The following TLE1 variants were observed in gnomAD, a reference collection of about 807,000 sequenced individuals.
The protein encoded by TLE1 is transducin-like enhancer protein 1.
A neutral mutation model predicts 89.8 loss-of-function variants in TLE1; 21 were observed. The ratio of observed to expected loss-of-function variants is 0.23; its 90% CI spans 0.17 to 0.34. TLE1 has a LOEUF of 0.34. TLE1 is among the 10% of genes least tolerant of loss of function. The pLI, the probability that TLE1 is intolerant of heterozygous loss-of-function variation, is 1.00. For missense variants in TLE1, 795 were observed against 1,031.2 expected (o/e 0.77, Z 3.14); for synonymous variants, 447 against 407.6 (o/e 1.10, Z -1.16).
intron 8 of TLE1, among the ~76,000 whole-genome samples, chr9:81,632,474 CCTTTTTTT>C (rs1826785305): frequency 2.7e-5 from 2 of 73,390 alleles, no homozygotes. Flanking sequence ...GTTCAGTATC[CCTTTTTTT>C]TTTTTTTTTT....
chr9:81,611,382 A>G (rs1823687281), intron 13 of TLE1, among the ~76,000 whole-genome samples: 1 of 152,220 alleles, frequency 6.6e-6, no homozygotes, highest in Non-Finnish European at 1.5e-5. Context: ...TAATGAGAAA[A>G]AAAAAGTTCA....
chr9:81,656,784 C>G (rs953864563), intron 4 of TLE1, among the ~76,000 whole-genome samples: 3 of 152,184 alleles, frequency 2.0e-5, no homozygotes, highest in African/African-American at 7.2e-5. Flanking sequence ...ACTATTGACA[C>G]CAGTGAATAT....
At chr9:81,596,839 G>T (rs1356299967) in intron 14 of TLE1, among the ~76,000 whole-genome samples, 2 of 152,196 alleles carry the variant, frequency 1.3e-5, no homozygotes, top group Non-Finnish European at 2.9e-5. Context: ...CCAAGGGCTG[G>T]TTACACAGGT....
chr9:81,634,267 C>T lies in TLE1; in HGVS notation c.407G>A (p.Gly136Asp), dbSNP rs1457307849. 2.6e-6 allele frequency: 4 copies of T among 1,551,070 alleles called. No individual in the cohort carries two copies. The highest frequency in any genetic ancestry group is 3.5e-6 in the Non-Finnish European group (4 of 1,141,968). ...CGTAAGGGGAACTGGGGGTCCGTGG[C>T]CATGAGAAAGATGCTGAGCTTGCAA... ...QQLQAQHLSH[G>D]HGPPVPLTPH... Residue 136 changes from glycine (G) to aspartate (D), a missense_variant, in exon 7 of 20, where the codon GGC (glycine) becomes GAC (aspartate). Transcript: ENST00000376499.
chr9:81,687,805 ACTC>A (rs949261229), intron 1 of TLE1, among the ~76,000 whole-genome samples: 4 of 150,774 alleles, frequency 2.7e-5, no homozygotes, highest in Non-Finnish European at 5.9e-5. Flanking sequence ...GAGAAAAACA[ACTC>A]CTTTACGCTC....
rs1834655776 is a variant in TLE1, at chr9:81,688,398, G to C, written c.-158C>G. On this transcript the variant is annotated 5_prime_UTR_variant, in exon 1 of 20. Transcript: ENST00000376499. The stretch of plus-strand genomic sequence containing the variant: ...GCTCCGCCGGGCGCACCGGCCACTC[G>C]GCGCCCGCAGCTGCTCCGGCTCCCG... 2.6e-6 allele frequency: 2 copies of C among 779,114 alleles called. No individual in the cohort carries two copies. The highest frequency in any genetic ancestry group is 3.4e-5 in the East Asian group (1 of 29,030). The allele number at this position is 779,114 out of a possible 1,614,324, so 48.3% of individuals were successfully genotyped here. A position where few individuals can be genotyped will look rare whatever the true frequency, so the allele number is the denominator to read the frequency against.
At chr9:81,646,068 C>T (rs10867790) in intron 6 of TLE1, among the ~76,000 whole-genome samples, 30,954 of 152,080 alleles carry the variant, frequency 0.2, 3,741 homozygotes, top group East Asian at 0.47. Flanking sequence ...TCACAGCACA[C>T]GTTTACCTAT....
At chr9:81,621,855 G>A (rs1379106091) in intron 8 of TLE1, among the ~76,000 whole-genome samples, 1 of 152,132 alleles carries the variant, frequency 6.6e-6, no homozygotes, top group Non-Finnish European at 1.5e-5. Context: ...CCGCCTCAGG[G>A]ACTGACTCTA....
chr9:81,678,392 T>G (rs181992414), intron 4 of TLE1, among the ~76,000 whole-genome samples: 1 of 151,964 alleles, frequency 6.6e-6, no homozygotes, highest in Admixed American at 6.5e-5. Context: ...TTTTTTTAAA[T>G]CTTTTATTGT....
intron 6 of TLE1, among the ~76,000 whole-genome samples, chr9:81,647,229 A>G (rs1828966755): frequency 6.6e-6 from 1 of 151,982 alleles, no homozygotes; most frequent in Admixed American, 6.6e-5. Context: ...ATGTCTTCTA[A>G]CTCTCTCTTC....
intron 6 of TLE1, among the ~76,000 whole-genome samples, chr9:81,636,795 G>A (rs998426980): frequency 6.6e-6 from 1 of 151,376 alleles, no homozygotes; most frequent in South Asian, 2.1e-4. Flanking sequence ...ACGAGGTCAG[G>A]AGTTCAAGAC....
intron 8 of TLE1, among the ~76,000 whole-genome samples, chr9:81,621,542 C>CTGTCCTCTTAGTTTGAGCACTAAG (rs1825255627): frequency 6.6e-6 from 1 of 152,184 alleles, no homozygotes. Flanking sequence ...GGACAGTGTC[C>CTGTCCTCTTAGTTTGAGCACTAAG]AGGGCCAACA....
At chr9:81,641,396 G>A (rs1449122249) in intron 6 of TLE1, among the ~76,000 whole-genome samples, 1 of 151,914 alleles carries the variant, frequency 6.6e-6, no homozygotes, top group Non-Finnish European at 1.5e-5. Flanking sequence ...CTGCTTATGG[G>A]GCCAAGAATT....
intron 6 of TLE1, among the ~76,000 whole-genome samples, chr9:81,637,257 C>G (rs1243669733): frequency 3.3e-5 from 5 of 152,188 alleles, no homozygotes; most frequent in Admixed American, 3.3e-4. Context: ...ACTTGAAAGG[C>G]TGAGGTGGGA....
intron 6 of TLE1, among the ~76,000 whole-genome samples, chr9:81,647,205 C>T (rs1256416733): frequency 3.9e-5 from 6 of 152,208 alleles, no homozygotes; most frequent in Non-Finnish European, 7.3e-5. Context: ...ACAGTCCCCA[C>T]TGGTCATCTG....
In TLE1 at chr9:81,616,094, C is replaced by A; in HGVS notation, c.806G>T (p.Arg269Leu). ...GCGATTTTTGTCGATTCCATTTTCC[C>A]GGGGCGAGTGGGCAGGGCTTGCTCG... ...SPRASPAHSP[R>L]ENGIDKNRLL... Residue 269 changes from arginine to leucine, a missense_variant, in exon 11 of 20, where the codon CGG (arginine) becomes CTG (leucine). Arg to Leu is a moderately radical substitution (Grantham distance 102, BLOSUM62 -2). This residue lies in a region of TLE1 where 468 missense variants were observed against 509.1 expected (regional missense o/e 0.92). Coordinates refer to ENST00000376499, the MANE Select transcript of TLE1 (RefSeq NM_005077.5). 1.2e-6 allele frequency: 2 copies of A among 1,614,034 alleles called. No individual in the cohort carries two copies. Among genetic ancestry groups the A allele is most frequent in the Non-Finnish European group, 1.7e-6 (2 of 1,179,996 alleles).
At chr9:81,671,875 A>G (rs1564065061) in intron 4 of TLE1, among the ~76,000 whole-genome samples, 1 of 152,218 alleles carries the variant, frequency 6.6e-6, no homozygotes, top group East Asian at 1.9e-4. Flanking sequence ...AGTTGGATAC[A>G]TTTCAATGGT....
At chr9:81,665,795 G>A (rs2132847158) in intron 4 of TLE1, among the ~76,000 whole-genome samples, 1 of 151,934 alleles carries the variant, frequency 6.6e-6, no homozygotes, top group East Asian at 1.9e-4. Flanking sequence ...TCTCCTTCCT[G>A]CAATGATGGT....
chr9:81,650,647 T>C (rs1005618077), intron 6 of TLE1, among the ~76,000 whole-genome samples: 1 of 152,044 alleles, frequency 6.6e-6, no homozygotes, highest in African/African-American at 2.4e-5. Context: ...GCAGATGTAA[T>C]TGTGTTTTTT....
Sources: allele counts gnomAD v4.1 joint callset (sites outside exome capture counted in the v4.1 genomes callset), GRCh38; gene constraint gnomAD v4.1.1; regional missense constraint gnomAD v4.1.1; transcripts MANE v1.5; gene names NCBI Gene and HGNC (gene_info 2026-07-23, HGNC 2026-07-21).